The following NBPF3 variants were observed in gnomAD, a reference collection of about 807,000 sequenced individuals.
The protein encoded by NBPF3 is NBPF member 3.
In NBPF3, 57 loss-of-function variants were observed where a neutral mutation model predicts 78.1. That is an observed-to-expected ratio of 0.73 (90% CI 0.59 to 0.91). The LOEUF (loss-of-function observed/expected upper bound fraction) is 0.91. NBPF3 is among the 40% of genes least tolerant of loss of function. The pLI, the probability that NBPF3 is intolerant of heterozygous loss-of-function variation, is 0.00. For missense variants in NBPF3, 510 were observed against 715.3 expected (o/e 0.71, Z 3.27); for synonymous variants, 182 against 271.7 (o/e 0.67, Z 3.25).
rs535083788 is a variant in NBPF3, at chr1:21,477,000, G to T, written c.993-1144G>T. ...CTTTTTACTCTTTTTTCTCTAAACT[G>T]CTCTTCTCACTTCATTTCATTAATT... On this transcript the variant is annotated intron_variant, in intron 8 of 14. Transcript: ENST00000318249. The surrounding 1 kb of genome is among the most constrained non-coding windows in gnomAD (Gnocchi z 4.1). Among the ~76,000 whole-genome samples, 14 of 152,140 alleles carry T rather than the reference G, an allele frequency of 9.2e-5. No homozygotes were observed. The East Asian group carries it at 2.5e-3, about 27-fold the overall frequency.
intron 1 of NBPF3, 75 bp downstream of exon 1, chr1:21,440,423 C>G (rs1458203047): frequency 7.5e-6 from 1 of 132,950 alleles, no homozygotes; most frequent in Non-Finnish European, 1.6e-5. Flanking sequence ...GAGGCGCGGC[C>G]GTCGCAAGTT....
intron 4 of NBPF3, among the ~76,000 whole-genome samples, chr1:21,471,077 T>C (rs1201199374): frequency 1.3e-5 from 2 of 151,426 alleles, no homozygotes; most frequent in Non-Finnish European, 3.0e-5. Context: ...TTAGTCAGAA[T>C]CAGCTCCTGA....
rs191980204 is a variant in NBPF3 at position 21,445,279 on chromosome 1, C to T, written c.133+60C>T. ...TCAGAGAGTCCTCTTTCTATTATAA[C>T]TCAGATGTGAAGGGAAGATGTCAAG... is the stretch of plus-strand genomic sequence containing the variant. On this transcript the variant is annotated intron_variant, in intron 2 of 14. Transcript: ENST00000318249. The T allele has an allele frequency of 3.6e-5, 56 of 1,568,688 alleles. 2 individuals carry two copies. The African/African-American group carries it at 5.4e-4, about 15-fold the overall frequency.
intron 2 of NBPF3, among the ~76,000 whole-genome samples, chr1:21,458,268 C>A (rs905880838): frequency 1.3e-5 from 2 of 151,540 alleles, no homozygotes; most frequent in East Asian, 1.9e-4. Context: ...TTAAGAATGT[C>A]TTCGTTATTT....
chr1:21,469,524 A>C (rs1248358857), intron 3 of NBPF3, among the ~76,000 whole-genome samples: 1 of 152,176 alleles, frequency 6.6e-6, no homozygotes, highest in Non-Finnish European at 1.5e-5. Context: ...CAGGAGTTTG[A>C]GACCAGCCTG....
upstream of NBPF3, chr1:21,437,630 G>C: frequency 2.6e-6 from 1 of 378,836 alleles, no homozygotes; most frequent in South Asian, 3.4e-5. Context: ...CACTAATATG[G>C]TCGCCACTAG....
intron 2 of NBPF3, chr1:21,445,926 A>G (rs1262663027): frequency 1.3e-5 from 2 of 152,372 alleles, no homozygotes; most frequent in African/African-American, 2.4e-5. Context: ...AGGCCCCACA[A>G]TGAGTAAATC....
Position 21,473,502 on chromosome 1 carries a change from C to T in NBPF3, c.857C>T (p.Thr286Ile). 3 of 1,614,200 alleles carry T rather than the reference C, an allele frequency of 1.9e-6. No homozygotes were observed. The highest frequency in any genetic ancestry group is 2.5e-6 in the Non-Finnish European group (3 of 1,180,030). ...SNQPYGNTRITFEEDQVDSTL... is the reference protein window; with the variant it reads ...SNQPYGNTRIIFEEDQVDSTL... ...CAGCCTTACGGGAACACCAGAATCA[C>T]ATTTGAGGAAGACCAAGTCGACTCA... The change falls in exon 7 of 15, where the codon ACA becomes ATA. Residue 286 changes from threonine to isoleucine, a missense_variant. Coordinates refer to ENST00000318249, the MANE Select transcript of NBPF3 (RefSeq NM_032264.6).
At chr1:21,481,454 T>C in intron 12 of NBPF3, 143 bp from the exon 13 acceptor site, 1 of 1,086,136 alleles carries the variant, frequency 9.2e-7, no homozygotes, top group Non-Finnish European at 1.3e-6. Flanking sequence ...CCATCCCAAC[T>C]GAGGGCAATA....
At chr1:21,449,268 GT>G (rs934647051) in intron 2 of NBPF3, among the ~76,000 whole-genome samples, 4 of 151,986 alleles carry the variant, frequency 2.6e-5, no homozygotes, top group Admixed American at 2.6e-4. Flanking sequence ...TTCTAGGGAT[GT>G]TTTTTGGGGA....
intron 8 of NBPF3, 118 bp from the exon 9 acceptor site, chr1:21,478,026 A>G (rs528935638): frequency 6.2e-7 from 1 of 1,602,204 alleles, no homozygotes; most frequent in Non-Finnish European, 8.5e-7. Flanking sequence ...TGAAGGAAAA[A>G]TGCCTTTGGT....
chr1:21,442,656 T>C (rs1040182186), intron 1 of NBPF3, among the ~76,000 whole-genome samples: 3 of 151,914 alleles, frequency 2.0e-5, no homozygotes, highest in African/African-American at 4.8e-5. Context: ...AACAATTTTA[T>C]TTCAGTTTTT....
At chr1:21,464,694 TAA>T (rs76554786) in intron 2 of NBPF3, among the ~76,000 whole-genome samples, 95,670 of 147,550 alleles carry the variant, frequency 0.65, 31,688 homozygotes, top group South Asian at 0.81. Flanking sequence ...GTATTTTCAT[TAA>T]AAAAAAAAAA....
At chr1:21,454,616 A>G (rs1428690219) in intron 2 of NBPF3, among the ~76,000 whole-genome samples, 1 of 152,108 alleles carries the variant, frequency 6.6e-6, no homozygotes, top group African/African-American at 2.4e-5. Context: ...ACGTAGTACC[A>G]ATATTTGTGT....
upstream of NBPF3, among the ~76,000 whole-genome samples, chr1:21,438,237 C>G (rs935321786): frequency 2.6e-5 from 4 of 152,080 alleles, no homozygotes; most frequent in East Asian, 1.9e-4. Flanking sequence ...CTCAGCCTCC[C>G]GAGTAGCTGG....
At chr1:21,482,101 T>G (rs1643266764) in intron 13 of NBPF3, among the ~76,000 whole-genome samples, 2 of 150,744 alleles carry the variant, frequency 1.3e-5, no homozygotes, top group African/African-American at 4.9e-5. Context: ...CTAATTTCAG[T>G]GTCTAAAATC....
chr1:21,447,421 T>C (rs563110896), intron 2 of NBPF3, among the ~76,000 whole-genome samples: 2 of 152,336 alleles, frequency 1.3e-5, no homozygotes, highest in Admixed American at 6.5e-5. Flanking sequence ...TCATGCGTCC[T>C]CCTCTCCTCC....
intron 7 of NBPF3, among the ~76,000 whole-genome samples, 181 bp from the exon 8 acceptor site, chr1:21,474,719 G>A (rs184415895): frequency 1.8e-4 from 27 of 152,308 alleles, no homozygotes; most frequent in Non-Finnish European, 3.1e-4. Flanking sequence ...CTGTGGGTCT[G>A]GAAAGCAGGG....
chr1:21,451,942 A>G (rs1316584038), intron 2 of NBPF3: 2 of 630,542 alleles, frequency 3.2e-6, no homozygotes, highest in Non-Finnish European at 4.0e-6. Context: ...CTTTTTTGAA[A>G]GATGCCACCA....
Sources: gnomAD v4.1 joint callset for allele counts (sites outside exome capture counted in the v4.1 genomes callset) on GRCh38, gnomAD v4.1.1 for gene constraint, Gnocchi (gnomAD v3.1) non-coding constraint, MANE v1.5 for transcripts, NCBI Gene and HGNC (gene_info 2026-07-23, HGNC 2026-07-21) for gene names.